CELSR1: variants seen among roughly 807,000 people sequenced by gnomAD.
CELSR1 encodes cadherin EGF LAG seven-pass G-type receptor 1.
A neutral mutation model predicts 249.1 loss-of-function variants in CELSR1; 110 were observed. The ratio of observed to expected loss-of-function variants is 0.44; its 90% CI spans 0.38 to 0.52. The LOEUF (loss-of-function observed/expected upper bound fraction) is 0.52. Among genes scored for constraint, CELSR1 ranks in the 20% least tolerant of loss-of-function variants. The pLI, the probability that CELSR1 is intolerant of heterozygous loss-of-function variation, is 0.00. For synonymous variants in CELSR1, 2,113 were observed against 1,900.0 expected (o/e 1.11, Z -2.92); for missense variants, 4,109 against 4,296.4 (o/e 0.96, Z 1.22).
intron 2 of CELSR1, among the ~76,000 whole-genome samples, chr22:46,459,480 A>AAT (rs1189477520): frequency 2.0e-5 from 3 of 152,180 alleles, no homozygotes; most frequent in Non-Finnish European, 4.4e-5. Flanking sequence ...GAAGGATCTA[A>AAT]GCTGGTAAAC....
intron 33 of CELSR1, 104 bp downstream of exon 33, chr22:46,364,408 C>A: frequency 6.7e-7 from 1 of 1,494,442 alleles, no homozygotes; most frequent in Non-Finnish European, 9.0e-7. Context: ...CTGCCCAGGC[C>A]CTGACTTGCC....
chr22:46,487,058 A>C (rs200424933), intron 1 of CELSR1, among the ~76,000 whole-genome samples: 4 of 85,448 alleles, frequency 4.7e-5, no homozygotes, highest in Non-Finnish European at 4.8e-5. Context: ...TCCCACTCCC[A>C]CTCCCACTTC....
rs910108904 is a variant in CELSR1 at position 46,518,862 on chromosome 22, G to A, written c.3544+14765C>T. On this transcript the variant is annotated intron_variant, in intron 1 of 34. Transcript: ENST00000674500. The surrounding 1 kb of genome is among the most constrained non-coding windows in gnomAD (Gnocchi z 5.2). ...AGCCTGGCAAACCTGGAGAAATCCC[G>A]TCTCTACTAAAAATACAAAAATTAG... is the stretch of plus-strand genomic sequence containing the variant. Among the ~76,000 whole-genome samples the A allele has an allele frequency of 2.0e-5, 3 of 152,028 alleles. No individual in the cohort carries two copies. Among genetic ancestry groups the A allele is most frequent in the African/African-American group, 4.8e-5 (2 of 41,400 alleles).
In CELSR1 at chr22:46,434,068, A is replaced by G. The variant is rs111926072; in HGVS notation, c.4523-587T>C. 8.2e-3 allele frequency among the ~76,000 whole-genome samples: 1,250 copies of G among 152,362 alleles called. 18 individuals carry two copies. Among genetic ancestry groups the G allele is most frequent in the African/African-American group, 0.028 (1,174 of 41,582 alleles). The stretch of plus-strand genomic sequence containing the variant: ...AGCAGTCACACCTACACCGCACCAG[A>G]GGTCGAACCCTTTTTCCTATGCATT... On this transcript the variant is annotated intron_variant, in intron 4 of 34. Transcript: ENST00000674500. The surrounding 1 kb of genome is among the most constrained non-coding windows in gnomAD (Gnocchi z 4.9).
At position 46,447,387 on chromosome 22, in the gene CELSR1, T is replaced by C. The variant is rs752046909; in HGVS notation, c.4184-7976A>G. On this transcript the variant is annotated intron_variant, in intron 2 of 34. Transcript: ENST00000674500. This position sits in a 1 kb window ranked among gnomAD's most constrained non-coding sequence, Gnocchi z 4.7. ...CTAGGAATTCTCATTCAAAATAAATTTGATGTTCTCCTTACACCCTAGGAT... is the reference window on the plus strand; with the variant it reads ...CTAGGAATTCTCATTCAAAATAAATCTGATGTTCTCCTTACACCCTAGGAT... Among the ~76,000 whole-genome samples, 8 of 152,144 alleles carry C rather than the reference T, an allele frequency of 5.3e-5. No individual in the cohort carries two copies. Among genetic ancestry groups the C allele is most frequent in the South Asian group, 2.1e-4 (1 of 4,830 alleles).
At chr22:46,418,659 G>A (rs920571835) in intron 5 of CELSR1, among the ~76,000 whole-genome samples, 8 of 152,256 alleles carry the variant, frequency 5.3e-5, no homozygotes, top group African/African-American at 1.4e-4. Flanking sequence ...CTTGGAGTTC[G>A]GGCACTGGCC....
chr22:46,498,468 C>T (rs1224292240), intron 1 of CELSR1, among the ~76,000 whole-genome samples: 1 of 150,352 alleles, frequency 6.7e-6, no homozygotes, highest in Non-Finnish European at 1.5e-5. Flanking sequence ...AAAAATTAGC[C>T]GGGCGTGGTG....
At chr22:46,438,860 C>T (rs913509046) in intron 3 of CELSR1, among the ~76,000 whole-genome samples, 23 of 152,284 alleles carry the variant, frequency 1.5e-4, no homozygotes, top group African/African-American at 3.9e-4. Context: ...CTGGTTCAAG[C>T]GGTTCTCTTG....
chr22:46,393,383 C>T lies in CELSR1; in HGVS notation c.5964+759G>A, dbSNP rs16995177. Among the ~76,000 whole-genome samples the T allele has an allele frequency of 0.035, 5,300 of 152,276 alleles. 324 individuals carry two copies. Among genetic ancestry groups the T allele is most frequent in the African/African-American group, 0.12 (4,945 of 41,536 alleles). ...CGCCCTGGACAGGCGTGGGGCATAA[C>T]GCACTTAGTGACACTTTCTATTTTA... On this transcript the variant is annotated intron_variant, in intron 14 of 34. Coordinates refer to ENST00000674500, the MANE Select transcript of CELSR1 (RefSeq NM_001378328.1). The surrounding 1 kb of genome is among the most constrained non-coding windows in gnomAD (Gnocchi z 4.1).
At position 46,395,751 on chromosome 22, in the gene CELSR1, G is replaced by A. The variant is rs1291422466; in HGVS notation, c.5843+854C>T. On this transcript the variant is annotated intron_variant, in intron 13 of 34. Coordinates refer to ENST00000674500, the MANE Select transcript of CELSR1 (RefSeq NM_001378328.1). This position sits in a 1 kb window ranked among gnomAD's most constrained non-coding sequence, Gnocchi z 5.5. Reference sequence around the variant, plus strand: ...CAGCTGAGGACAATGAGCCACAGGGGCATCACCTCCACGGCGGCCTGGAAC... The same window carrying A: ...CAGCTGAGGACAATGAGCCACAGGGACATCACCTCCACGGCGGCCTGGAAC... Among the ~76,000 whole-genome samples the A allele has an allele frequency of 1.3e-5, 2 of 152,142 alleles. No individual in the cohort carries two copies. Among genetic ancestry groups the A allele is most frequent in the East Asian group, 3.9e-4 (2 of 5,184 alleles).
chr22:46,380,667 A>AG lies in CELSR1; in HGVS notation c.7256+120dup, dbSNP rs374032497. The AG allele has an allele frequency of 8.7e-5, 102 of 1,178,464 alleles. No homozygotes were observed. The African/African-American group carries it at 1.3e-3, about 15-fold the overall frequency. The allele number at this position is 1,178,464 out of a possible 1,614,324, so 73.0% of individuals were successfully genotyped here. ...CTCACTGCCCCCACGGGGGACTTAA[A>AG]GGGGAAACACAGACCACAAGAGACC... On this transcript the variant is annotated intron_variant, in intron 22 of 34. Coordinates refer to ENST00000674500, the MANE Select transcript of CELSR1 (RefSeq NM_001378328.1). This position sits in a 1 kb window ranked among gnomAD's most constrained non-coding sequence, Gnocchi z 5.1.
At chr22:46,449,989 C>T (rs756709103) in intron 2 of CELSR1, among the ~76,000 whole-genome samples, 22 of 152,270 alleles carry the variant, frequency 1.4e-4, no homozygotes, top group Non-Finnish European at 2.9e-4. Context: ...TGCATGCCCA[C>T]AGGCACACAC....
intron 1 of CELSR1, among the ~76,000 whole-genome samples, chr22:46,503,205 G>A (rs1364253601): frequency 6.6e-6 from 1 of 152,226 alleles, no homozygotes; most frequent in East Asian, 1.9e-4. Flanking sequence ...GGAGCCCTTG[G>A]AATAGAGGCC....
intron 1 of CELSR1, among the ~76,000 whole-genome samples, chr22:46,504,249 C>T (rs1046258659): frequency 1.3e-5 from 2 of 152,174 alleles, no homozygotes; most frequent in African/African-American, 4.8e-5. Flanking sequence ...CGCAGTGGCT[C>T]ACACCTATAA....
rs1241712473 is a variant in CELSR1, at chr22:46,464,246, G to C, written c.3644C>G (p.Ser1215Cys). The change falls in exon 2 of 35, where the codon TCC becomes TGC. Residue 1215 changes from serine to cysteine, a missense_variant. Physicochemically the swap from Ser to Cys is moderately radical, Grantham distance 112. Around this residue, in one of 7 missense-constraint regions of CELSR1, gnomAD observed 886 missense variants for 896.5 expected, o/e 0.99. Coordinates refer to ENST00000674500, the MANE Select transcript of CELSR1 (RefSeq NM_001378328.1). This position sits in a 1 kb window ranked among gnomAD's most constrained non-coding sequence, Gnocchi z 8.5. ...NSITVRLENM[S>C]QEKFLSPLLA... ...CAGCGGGGACAGGAACTTCTCCTGG[G>C]ACATGTTCTCCAGGCGGACAGTGAT... is the stretch of plus-strand genomic sequence containing the variant. 2 of 1,613,756 alleles carry C rather than the reference G, an allele frequency of 1.2e-6. No individual in the cohort carries two copies. Among genetic ancestry groups the C allele is most frequent in the East Asian group, 2.2e-5 (1 of 44,872 alleles).
chr22:46,457,142 C>A (rs1259990429), intron 2 of CELSR1, among the ~76,000 whole-genome samples: 3 of 152,140 alleles, frequency 2.0e-5, no homozygotes, highest in Non-Finnish European at 4.4e-5. Context: ...GTCAGGAGTT[C>A]GAGAACAGCT....
At chr22:46,507,733 C>A (rs1331294453) in intron 1 of CELSR1, among the ~76,000 whole-genome samples, 1 of 152,158 alleles carries the variant, frequency 6.6e-6, no homozygotes, top group Admixed American at 6.5e-5. Context: ...AAGCCCCGCC[C>A]CTAGAGTACT....
rs1005067171 is a variant in CELSR1 at position 46,398,080 on chromosome 22, G to A, written c.5527-232C>T. Among the ~76,000 whole-genome samples the A allele has an allele frequency of 1.3e-5, 2 of 152,198 alleles. No homozygotes were observed. The highest frequency in any genetic ancestry group is 2.9e-5 in the Non-Finnish European group (2 of 68,020). On this transcript the variant is annotated intron_variant, in intron 11 of 34. Coordinates refer to ENST00000674500, the MANE Select transcript of CELSR1 (RefSeq NM_001378328.1). The surrounding 1 kb of genome is among the most constrained non-coding windows in gnomAD (Gnocchi z 7.2). ...GCACGCCAGCCTGAGCTCCTGGGGT[G>A]CGCGGTGGGGGCGTGAGGAGTGGAT...
In CELSR1 at chr22:46,394,159, C is replaced by A; in HGVS notation, c.5947G>T (p.Gly1983Cys). The A allele has an allele frequency of 1.2e-6, 2 of 1,613,924 alleles. No individual in the cohort carries two copies. The highest frequency in any genetic ancestry group is 1.7e-6 in the Non-Finnish European group (2 of 1,179,880). Residue 1983 changes from glycine to cysteine, a missense_variant, in exon 14 of 35, where the codon GGC becomes TGC. Around this residue, in one of 7 missense-constraint regions of CELSR1, gnomAD observed 1,805 missense variants for 1,831.6 expected, o/e 0.99. Transcript: ENST00000674500. ...GGCCTCACCTTGCATTGGCACTGGCCGTTGGTCTTATTACAGTCGGGATCA... is the reference window on the plus strand; with the variant it reads ...GGCCTCACCTTGCATTGGCACTGGCAGTTGGTCTTATTACAGTCGGGATCA... Reference protein sequence around the residue: ...GFDPDCNKTNGQCQCKENYYK... With the variant: ...GFDPDCNKTNCQCQCKENYYK...
Sources: gnomAD v4.1 joint callset for allele counts (sites outside exome capture counted in the v4.1 genomes callset) on GRCh38, gnomAD v4.1.1 for gene constraint, gnomAD v4.1.1 regional missense constraint, Gnocchi (gnomAD v3.1) non-coding constraint, MANE v1.5 for transcripts, NCBI Gene and HGNC (gene_info 2026-07-23, HGNC 2026-07-21) for gene names.